SLC5A8: variants seen among roughly 807,000 people sequenced by gnomAD.
The protein encoded by SLC5A8 is solute carrier family 5 member 8.
A neutral mutation model predicts 71.9 loss-of-function variants in SLC5A8; 55 were observed. The ratio of observed to expected loss-of-function variants is 0.77; its 90% CI spans 0.62 to 0.96. The LOEUF (loss-of-function observed/expected upper bound fraction) is 0.96. Ranked by LOEUF, SLC5A8 falls within the 40% of genes least tolerant of loss-of-function variation. The pLI is 0.00. For missense variants in SLC5A8, 701 were observed against 745.3 expected (o/e 0.94, Z 0.69); for synonymous variants, 307 against 276.1 (o/e 1.11, Z -1.11).
chr12:101,202,126 A>C (rs1869480879), intron 3 of SLC5A8, 38 bp downstream of exon 3: 5 of 1,602,532 alleles, frequency 3.1e-6, no homozygotes, highest in Non-Finnish European at 4.3e-6. Context: ...AGTGAACCCC[A>C]AAATGTGAGT....
At chr12:101,178,146 T>C (rs1299123193) in intron 10 of SLC5A8, among the ~76,000 whole-genome samples, 1 of 152,120 alleles carries the variant, frequency 6.6e-6, no homozygotes, top group Non-Finnish European at 1.5e-5. Flanking sequence ...AAAAATACGA[T>C]TTGCATAGAA....
chr12:101,165,560 C>T (rs1015805139), intron 12 of SLC5A8, among the ~76,000 whole-genome samples: 1 of 152,142 alleles, frequency 6.6e-6, no homozygotes, highest in Admixed American at 6.5e-5. Flanking sequence ...TCTGGAACTA[C>T]CTTTCCACTC....
chr12:101,185,016 T>G (rs909701876), intron 7 of SLC5A8, among the ~76,000 whole-genome samples: 1 of 152,210 alleles, frequency 6.6e-6, no homozygotes, highest in Non-Finnish European at 1.5e-5. Flanking sequence ...AAAACCTTAT[T>G]GATTACTTCT....
chr12:101,172,988 C>A (rs967223800), intron 10 of SLC5A8, among the ~76,000 whole-genome samples: 2 of 152,248 alleles, frequency 1.3e-5, no homozygotes, highest in African/African-American at 4.8e-5. Flanking sequence ...CAGTGGCTCC[C>A]CTTCTTCCTC....
At chr12:101,165,548 G>A (rs953582842) in intron 12 of SLC5A8, among the ~76,000 whole-genome samples, 23 of 152,056 alleles carry the variant, frequency 1.5e-4, no homozygotes, top group Non-Finnish European at 2.9e-4. Flanking sequence ...TACGCCTCAG[G>A]CTCTGGAACT....
chr12:101,188,952 A>G (rs955928168), intron 6 of SLC5A8, among the ~76,000 whole-genome samples: 10 of 152,174 alleles, frequency 6.6e-5, no homozygotes, highest in African/African-American at 2.4e-4. Flanking sequence ...AATCAATGTC[A>G]GTAGGTCTTG....
intron 13 of SLC5A8, among the ~76,000 whole-genome samples, chr12:101,160,943 G>A (rs1566304625): frequency 6.6e-6 from 1 of 152,040 alleles, no homozygotes; most frequent in Non-Finnish European, 1.5e-5. Flanking sequence ...AAACAAAAAA[G>A]AAAATGTCCA....
chr12:101,207,454 T>A (rs1247724905), intron 1 of SLC5A8, among the ~76,000 whole-genome samples: 2 of 152,250 alleles, frequency 1.3e-5, no homozygotes, highest in African/African-American at 2.4e-5. Context: ...GCCTGGCATG[T>A]GTTCAGCATT....
At chr12:101,171,821 G>C (rs1257560872) in intron 10 of SLC5A8, among the ~76,000 whole-genome samples, 1 of 152,206 alleles carries the variant, frequency 6.6e-6, no homozygotes. Context: ...AGTAATTGGT[G>C]AATAGGTCTG....
chr12:101,162,443 A>G (rs61946789), intron 12 of SLC5A8, among the ~76,000 whole-genome samples: 134 of 152,336 alleles, frequency 8.8e-4, no homozygotes, highest in Non-Finnish European at 1.6e-3. Flanking sequence ...ACGTGCACTT[A>G]TATGTTCATC....
intron 10 of SLC5A8, among the ~76,000 whole-genome samples, chr12:101,177,024 T>C (rs1429390092): frequency 6.6e-6 from 1 of 151,976 alleles, no homozygotes; most frequent in Non-Finnish European, 1.5e-5. Context: ...GACAAACCTG[T>C]AGCAAGACTG....
intron 10 of SLC5A8, among the ~76,000 whole-genome samples, chr12:101,174,610 T>G (rs1484633435): frequency 6.6e-6 from 1 of 152,216 alleles, no homozygotes; most frequent in Non-Finnish European, 1.5e-5. Context: ...TGGCTTTTTT[T>G]TCCTGGAAAT....
intron 5 of SLC5A8, among the ~76,000 whole-genome samples, chr12:101,191,637 A>G (rs1868917975): frequency 6.6e-6 from 1 of 152,190 alleles, no homozygotes; most frequent in Non-Finnish European, 1.5e-5. Context: ...GATTTAAAAC[A>G]CTCACTTTAG....
At position 101,195,110 on chromosome 12, in the gene SLC5A8, T is replaced by C. The variant is rs1351686806; in HGVS notation, c.522A>G (p.Thr174=). Residue 174 remains threonine (T), a synonymous_variant, in exon 4 of 15, where the codon ACA becomes ACG. Transcript: ENST00000536262. Reference sequence around the variant, plus strand: ...CTGGACGTACCAGTGTGCAGTAGAATGTGCAGACCACCCCCGTTGCCACTA... The same window carrying C: ...CTGGACGTACCAGTGTGCAGTAGAACGTGCAGACCACCCCCGTTGCCACTA... ...GAVVATGVVC[T]FYCTLGGLKA... is the part of the protein sequence containing the mutation. 1 of 1,614,176 alleles carries C rather than the reference T, an allele frequency of 6.2e-7. No homozygotes were observed. Among genetic ancestry groups the C allele is most frequent in the Non-Finnish European group, 8.5e-7 (1 of 1,180,022 alleles).
chr12:101,173,320 C>T (rs1438073729), intron 10 of SLC5A8, among the ~76,000 whole-genome samples: 1 of 152,162 alleles, frequency 6.6e-6, no homozygotes, highest in East Asian at 1.9e-4. Context: ...GAATTTCTGT[C>T]CACATTAGGG....
At position 101,193,740 on chromosome 12, in the gene SLC5A8, C is replaced by T. The variant is rs1709189; in HGVS notation, c.577G>A (p.Val193Ile). ...GCAAATCCAGCCACCATGATCCCAA[C>T]TTGAAAAACATCTGTCCAGATAACT... ...KAVIWTDVFQ[V>I]GIMVAGFASV... Residue 193 changes from valine (V) to isoleucine (I), a missense_variant, in exon 5 of 15, where the codon GTT becomes ATT. Physicochemically the swap from Val to Ile is conservative, Grantham distance 29. Coordinates refer to ENST00000536262, the MANE Select transcript of SLC5A8 (RefSeq NM_145913.5). 358,083 of 1,613,642 alleles carry T rather than the reference C, an allele frequency of 0.22. 42,781 individuals are homozygous for T. Among genetic ancestry groups the T allele is most frequent in the East Asian group, 0.52 (23,443 of 44,840 alleles).
intron 7 of SLC5A8, among the ~76,000 whole-genome samples, chr12:101,187,106 A>C (rs1211198632): frequency 6.6e-6 from 1 of 152,148 alleles, no homozygotes; most frequent in East Asian, 1.9e-4. Context: ...ACAACAACAA[A>C]AAACTGTGTT....
At chr12:101,161,347 G>T (rs566780744) in intron 13 of SLC5A8, among the ~76,000 whole-genome samples, 3 of 152,114 alleles carry the variant, frequency 2.0e-5, no homozygotes, top group Non-Finnish European at 4.4e-5. Flanking sequence ...CAGGGGCTAA[G>T]AGAATTCATA....
chr12:101,186,929 C>T (rs575046395), intron 7 of SLC5A8, among the ~76,000 whole-genome samples: 1 of 152,290 alleles, frequency 6.6e-6, no homozygotes, highest in African/African-American at 2.4e-5. Context: ...CACAGAATCT[C>T]ACCACATAGT....
Sources: allele counts gnomAD v4.1 joint callset (sites outside exome capture counted in the v4.1 genomes callset), GRCh38; gene constraint gnomAD v4.1.1; transcripts MANE v1.5; gene names NCBI Gene and HGNC (gene_info 2026-07-23, HGNC 2026-07-21).